Variants in BCLAF3 observed in about 807,000 individuals in gnomAD.
BCLAF3 encodes the protein BCLAF1 and THRAP3 family member 3.
Under a neutral mutation model 51.2 loss-of-function variants are expected in BCLAF3, and 24 were observed. The ratio of observed to expected loss-of-function variants is 0.47; its 90% CI spans 0.34 to 0.66. The LOEUF (loss-of-function observed/expected upper bound fraction) is 0.66, where lower values mean the gene tolerates loss of function less well. Among genes scored for constraint, BCLAF3 ranks in the 30% least tolerant of loss-of-function variants. BCLAF3 has a pLI of 0.01. For synonymous variants in BCLAF3, 152 were observed against 176.6 expected, an observed-to-expected ratio of 0.86 and a Z score of 1.10; for missense variants, 465 against 525.1, an observed-to-expected ratio of 0.89 and a Z score of 1.12.
At chrX:19,919,297 G>T (rs1165250791) in intron 11 of BCLAF3, among the ~76,000 whole-genome samples, 1 of 111,800 alleles carries the variant, frequency 8.9e-6, no homozygotes, top group Non-Finnish European at 1.9e-5. Context: ...TTCCCTTTAG[G>T]CATTAACCAT....
intron 1 of BCLAF3, among the ~76,000 whole-genome samples, chrX:19,989,244 C>T (rs1056147965): frequency 9.0e-6 from 1 of 111,494 alleles, no homozygotes; most frequent in Non-Finnish European, 1.9e-5. Context: ...ACCTGTAATC[C>T]CAGCACTTTG....
intron 1 of BCLAF3, among the ~76,000 whole-genome samples, chrX:19,973,708 G>A (rs981430827): frequency 4.5e-5 from 5 of 111,386 alleles, no homozygotes; most frequent in African/African-American, 1.6e-4. Context: ...TTTCTCCTTG[G>A]GAATTCTGGG....
At chrX:19,973,082 T>C (rs2072308203) in intron 1 of BCLAF3, among the ~76,000 whole-genome samples, 1 of 112,131 alleles carries the variant, frequency 8.9e-6, no homozygotes, top group South Asian at 3.7e-4. Context: ...TGCACCATTT[T>C]ACATTCCCAC....
chrX:19,929,972 A>G lies in BCLAF3; in HGVS notation c.1951-32T>C, dbSNP rs981501760. On this transcript the variant is annotated intron_variant, in intron 10 of 11. Transcript: ENST00000379682. ...AGGAAAAAAAAGGAATTAAATGCTA[A>G]AACTACACCTTCCAAGTCTACTTTA... 4.2e-6 allele frequency: 5 copies of G among 1,185,611 alleles called. No individual in the cohort carries two copies. The African/African-American group carries it at 8.9e-5, about 21-fold the overall frequency.
chrX:19,920,703 C>T (rs1415872812), intron 11 of BCLAF3, among the ~76,000 whole-genome samples: 1 of 109,436 alleles, frequency 9.1e-6, no homozygotes, highest in Non-Finnish European at 1.9e-5. Context: ...CATCTGTAGT[C>T]CCAGCTACTT....
chrX:19,935,716 T>C, intron 10 of BCLAF3, 93 bp downstream of exon 10: 1 of 715,308 alleles, frequency 1.4e-6, no homozygotes. Flanking sequence ...TGAAAGCATA[T>C]TACAAAACAG....
At chrX:19,940,492 T>A (rs1339798103) in intron 8 of BCLAF3, among the ~76,000 whole-genome samples, 1 of 110,564 alleles carries the variant, frequency 9.0e-6, no homozygotes, top group Non-Finnish European at 1.9e-5. Context: ...CATTGTTCAA[T>A]TCCCACCTAT....
intron 1 of BCLAF3, among the ~76,000 whole-genome samples, chrX:19,983,556 T>TA (rs1485582746): frequency 8.6e-5 from 9 of 105,245 alleles, no homozygotes; most frequent in East Asian, 3.1e-4. Context: ...ACTAAAAATA[T>TA]AAAAAAAATG....
rs1224048714 is a variant in BCLAF3 at position 19,933,181 on chromosome X, A to G, written c.1950+2628T>C. ...AAGACCCATAACATCAAAAATATTA[A>G]GCTACTAATTTAGTGAAAGCCGAAA... On this transcript the variant is annotated intron_variant, in intron 10 of 11. Coordinates refer to ENST00000379682, the MANE Select transcript of BCLAF3 (RefSeq NM_001367774.2). Among the ~76,000 whole-genome samples the G allele has an allele frequency of 3.6e-5, 4 of 112,328 alleles. No individual in the cohort carries two copies. In the East Asian group the frequency reaches 1.1e-3, roughly 31 times the overall value.
chrX:19,930,155 A>G, intron 10 of BCLAF3: 1 of 270,167 alleles, frequency 3.7e-6, no homozygotes, highest in Non-Finnish European at 6.5e-6. Flanking sequence ...TACTAAAAAT[A>G]CAAAAATTAG....
intron 4 of BCLAF3, among the ~76,000 whole-genome samples, chrX:19,956,617 A>T (rs1438304813): frequency 9.0e-6 from 1 of 111,667 alleles, no homozygotes; most frequent in Non-Finnish European, 1.9e-5. Context: ...TCATTATTTT[A>T]TATTTATATC....
intron 1 of BCLAF3, among the ~76,000 whole-genome samples, chrX:19,974,068 G>T (rs911451727): frequency 9.0e-6 from 1 of 111,575 alleles, no homozygotes; most frequent in Admixed American, 9.5e-5. Context: ...TCAGGGGATT[G>T]GTTCCAGAAT....
chrX:19,943,519 A>G (rs1365447538), intron 8 of BCLAF3, among the ~76,000 whole-genome samples: 2 of 73,535 alleles, frequency 2.7e-5, no homozygotes, highest in Admixed American at 3.1e-4. Context: ...TTCTGCCTTC[A>G]TTTCGTTATG....
At chrX:19,986,940 C>T (rs1569511388) in intron 1 of BCLAF3, among the ~76,000 whole-genome samples, 1 of 109,274 alleles carries the variant, frequency 9.2e-6, no homozygotes, top group East Asian at 2.9e-4. Flanking sequence ...GTAGCTGGGA[C>T]TATAGGTGCA....
At position 19,915,577 on chromosome X, in the gene BCLAF3, G is replaced by A. The variant is rs919350350; in HGVS notation, c.*1728C>T. 4 of 111,644 alleles carry A rather than the reference G, an allele frequency of 3.6e-5. No homozygotes were observed. The highest frequency in any genetic ancestry group is 2.9e-4 in the Admixed American group (3 of 10,482). 9.2% of individuals were successfully genotyped at this position (111,644 alleles called of 1,213,427 possible). A position where few individuals can be genotyped will look rare whatever the true frequency, so the allele number is the denominator to read the frequency against. On this transcript the variant is annotated 3_prime_UTR_variant, in exon 12 of 12. Coordinates refer to ENST00000379682, the MANE Select transcript of BCLAF3 (RefSeq NM_001367774.2). ...ATGTGTTACAATAAATAAAAAGCGA[G>A]CTATAAAGGCGATTTACCAAGTTAT...
intron 5 of BCLAF3, among the ~76,000 whole-genome samples, chrX:19,954,489 G>A (rs2071597055): frequency 8.9e-6 from 1 of 111,774 alleles, no homozygotes. Context: ...CTAATTTACT[G>A]TTTCTGTTCT....
At chrX:19,937,376 G>A (rs2070808696) in intron 9 of BCLAF3, 42 bp downstream of exon 9, 2 of 666,298 alleles carry the variant, frequency 3.0e-6, no homozygotes, top group Non-Finnish European at 4.9e-6. Context: ...TATTGGAGAA[G>A]AAGAAATTAT....
intron 8 of BCLAF3, among the ~76,000 whole-genome samples, chrX:19,944,103 CTTTT>C (rs1471306970): frequency 9.2e-5 from 5 of 54,466 alleles, no homozygotes; most frequent in African/African-American, 4.0e-4. Flanking sequence ...CAACCCCTGC[CTTTT>C]TTTGTTTTCC....
chrX:19,921,268 A>G (rs932313341), intron 11 of BCLAF3, among the ~76,000 whole-genome samples: 2 of 112,004 alleles, frequency 1.8e-5, no homozygotes, highest in Non-Finnish European at 3.8e-5. Context: ...ACAAGAAGCA[A>G]TGAAACAAGC....
Sources: gnomAD v4.1 joint callset for allele counts (sites outside exome capture counted in the v4.1 genomes callset) on GRCh38, gnomAD v4.1.1 for gene constraint, MANE v1.5 for transcripts, NCBI Gene and HGNC (gene_info 2026-07-23, HGNC 2026-07-21) for gene names.